The following ABI2 variants were observed in gnomAD, a reference collection of about 807,000 sequenced individuals.
The protein encoded by ABI2 is abl interactor 2, also known as abelson interactor 2.
In ABI2, 25 loss-of-function variants were observed where a neutral mutation model predicts 59.2. The observed-to-expected ratio is 0.42, with a 90% CI of 0.31 to 0.59. The LOEUF is 0.59. Ranked by LOEUF, ABI2 falls within the 20% of genes least tolerant of loss-of-function variation. The pLI is 0.14. For missense variants in ABI2, 545 were observed against 681.8 expected (o/e 0.80, Z 2.23); for synonymous variants, 213 against 235.5 (o/e 0.90, Z 0.87).
chr2:203,399,655 C>T (rs909870200), intron 8 of ABI2, among the ~76,000 whole-genome samples: 9 of 152,182 alleles, frequency 5.9e-5, no homozygotes, highest in African/African-American at 2.2e-4. Flanking sequence ...GCTGGGATTA[C>T]AGGCACCCAC....
rs1156536730 is a variant in ABI2 at position 203,408,833 on chromosome 2, C to CTTTTTTTTT, written c.1193-2444_1193-2436dup. Among the ~76,000 whole-genome samples, 81 of 87,142 alleles carry CTTTTTTTTT rather than the reference C, an allele frequency of 9.3e-4. 3 individuals carry two copies. The highest frequency in any genetic ancestry group is 8.3e-3 in the South Asian group (16 of 1,926). 57.2% of individuals were successfully genotyped at this position (87,142 alleles called of 152,430 possible). A position where few individuals can be genotyped will look rare whatever the true frequency, so the allele number is the denominator to read the frequency against. On this transcript the variant is annotated intron_variant, in intron 9 of 11. Coordinates refer to ENST00000261018, the MANE Select transcript of ABI2 (RefSeq NM_001375670.1). ...TTTTGTCTATGCTACCTTCTCCTTT[C>CTTTTTTTTT]TTTTTTTTTTTTTTTTGAGACGGAG...
intron 4 of ABI2, among the ~76,000 whole-genome samples, chr2:203,382,936 T>C (rs1247039607): frequency 1.3e-5 from 2 of 152,220 alleles, no homozygotes; most frequent in East Asian, 3.8e-4. Flanking sequence ...AGATATTTCC[T>C]GTTAGAATTC....
chr2:203,392,487 A>G (rs771896564), intron 5 of ABI2, among the ~76,000 whole-genome samples: 1 of 152,176 alleles, frequency 6.6e-6, no homozygotes, highest in Non-Finnish European at 1.5e-5. Flanking sequence ...ATAAATTCCA[A>G]CCAGGAATAG....
intron 2 of ABI2, among the ~76,000 whole-genome samples, chr2:203,377,696 A>C (rs1412873533): frequency 3.3e-5 from 5 of 152,212 alleles, no homozygotes. Flanking sequence ...ACTTGAGCTT[A>C]GGAGTTCAAG....
intron 1 of ABI2, among the ~76,000 whole-genome samples, chr2:203,333,208 G>A (rs1386826362): frequency 1.3e-5 from 2 of 152,048 alleles, no homozygotes; most frequent in Non-Finnish European, 2.9e-5. Flanking sequence ...AATTATTGGA[G>A]AATACAAGTA....
chr2:203,358,528 C>G (rs1398558851), intron 1 of ABI2, among the ~76,000 whole-genome samples: 1 of 152,160 alleles, frequency 6.6e-6, no homozygotes, highest in Non-Finnish European at 1.5e-5. Context: ...GAACAGGAAT[C>G]ACTGGAATCA....
At chr2:203,361,574 G>C (rs1337158786) in intron 1 of ABI2, among the ~76,000 whole-genome samples, 1 of 152,106 alleles carries the variant, frequency 6.6e-6, no homozygotes, top group East Asian at 1.9e-4. Flanking sequence ...AGACAGTATA[G>C]AAGTTGACAG....
chr2:203,378,192 A>C (rs1298513892), intron 2 of ABI2, among the ~76,000 whole-genome samples: 1 of 150,798 alleles, frequency 6.6e-6, no homozygotes, highest in African/African-American at 2.4e-5. Flanking sequence ...GGCTCATTGC[A>C]AGCTCTGCCT....
Position 203,396,898 on chromosome 2 carries a change from G to T in ABI2, c.964G>T (p.Gly322Cys). ...CACTGCCCCAGACGCTGCTGCTGGG[G>T]GTGCCCAGACCCTTGCTGATGGCTT... is the stretch of plus-strand genomic sequence containing the variant. ...SSTAPDAAAG[G>C]AQTLADGFTS... The change falls in exon 8 of 12, where the codon GGT (glycine) becomes TGT (cysteine). Residue 322 changes from glycine to cysteine, a missense_variant. Gly to Cys is a radical substitution (Grantham distance 159). This residue lies in a region of ABI2 where 410 missense variants were observed against 435.6 expected (regional missense o/e 0.94). Transcript: ENST00000261018. 1 of 1,533,000 alleles carries T rather than the reference G, an allele frequency of 6.5e-7. No homozygotes were observed. Among genetic ancestry groups the T allele is most frequent in the Non-Finnish European group, 8.7e-7 (1 of 1,145,806 alleles). 95.0% of individuals were successfully genotyped at this position (1,533,000 alleles called of 1,614,324 possible).
intron 1 of ABI2, among the ~76,000 whole-genome samples, chr2:203,359,235 AATAAC>A (rs2092959319): frequency 6.6e-6 from 1 of 152,222 alleles, no homozygotes; most frequent in Non-Finnish European, 1.5e-5. Flanking sequence ...GGTTTTTTTA[AATAAC>A]ATAACCAGTC....
rs1039232766 is a variant in ABI2 at position 203,397,352 on chromosome 2, A to T, written c.1033+385A>T. On this transcript the variant is annotated intron_variant, in intron 8 of 11. Transcript: ENST00000261018. ...TTCTAAGGTATATTTTATAGGAAAT[A>T]TTTGATACAACAAATGGAAAGCCTC... Among the ~76,000 whole-genome samples the T allele has an allele frequency of 1.4e-4, 21 of 152,260 alleles. 1 individual carries two copies. The highest frequency in any genetic ancestry group is 9.8e-4 in the Admixed American group (15 of 15,286).
intron 9 of ABI2, among the ~76,000 whole-genome samples, chr2:203,404,249 A>G (rs1239739184): frequency 6.6e-6 from 1 of 152,184 alleles, no homozygotes; most frequent in Admixed American, 6.5e-5. Context: ...TGAATGCCAA[A>G]TGAATCCCTT....
intron 4 of ABI2, among the ~76,000 whole-genome samples, chr2:203,387,442 G>GGT (rs2096574286): frequency 6.6e-6 from 1 of 152,166 alleles, no homozygotes; most frequent in Non-Finnish European, 1.5e-5. Flanking sequence ...TTCTACCTCC[G>GGT]GTGGTATTTG....
chr2:203,330,952 AT>A (rs1309227646), intron 1 of ABI2, among the ~76,000 whole-genome samples: 5 of 152,152 alleles, frequency 3.3e-5, no homozygotes, highest in Non-Finnish European at 5.9e-5. Flanking sequence ...ACTACTATCA[AT>A]CTCTGTTTTA....
intron 1 of ABI2, among the ~76,000 whole-genome samples, chr2:203,358,638 T>C (rs1002357160): frequency 1.3e-5 from 2 of 152,220 alleles, no homozygotes; most frequent in African/African-American, 4.8e-5. Context: ...CTGTGAGATA[T>C]CCTTTCATGT....
Position 203,428,748 on chromosome 2 carries a change from G to T in ABI2, c.*1396G>T, listed in dbSNP as rs1353198208. ...ATCCAGGAGGGCTTGTCTCTTTGTG[G>T]GTGGTCACTGTGATGTTGGGCCAGC... On this transcript the variant is annotated 3_prime_UTR_variant, in exon 12 of 12. Transcript: ENST00000261018. The T allele has an allele frequency of 6.6e-6, 1 of 152,238 alleles. No individual in the cohort carries two copies. The highest frequency in any genetic ancestry group is 6.5e-5 in the Admixed American group (1 of 15,280). The allele number at this position is 152,238 out of a possible 1,614,324, so 9.4% of individuals were successfully genotyped here.
chr2:203,333,012 A>G (rs2074604260), intron 1 of ABI2, among the ~76,000 whole-genome samples: 1 of 152,186 alleles, frequency 6.6e-6, no homozygotes, highest in Non-Finnish European at 1.5e-5. Context: ...AATAGGAGAC[A>G]TATTAGTAGC....
At chr2:203,334,986 G>T (rs2075797010) in intron 1 of ABI2, among the ~76,000 whole-genome samples, 1 of 152,048 alleles carries the variant, frequency 6.6e-6, no homozygotes, top group Non-Finnish European at 1.5e-5. Flanking sequence ...ATAGCTTATG[G>T]TTGAATTTTT....
chr2:203,376,100 T>C, intron 2 of ABI2: 1 of 1,534,474 alleles, frequency 6.5e-7, no homozygotes, highest in Non-Finnish European at 8.7e-7. Flanking sequence ...TGTGACCAAA[T>C]TTGGAAACAA....
Sources: gnomAD v4.1 joint callset for allele counts (sites outside exome capture counted in the v4.1 genomes callset) on GRCh38, gnomAD v4.1.1 for gene constraint, gnomAD v4.1.1 regional missense constraint, MANE v1.5 for transcripts, NCBI Gene and HGNC (gene_info 2026-07-23, HGNC 2026-07-21) for gene names.